The following MYH3 variants were observed in gnomAD, a reference collection of about 807,000 sequenced individuals.
MYH3 encodes myosin heavy chain 3.
Under a neutral mutation model 238.0 loss-of-function variants are expected in MYH3, and 130 were observed. The ratio of observed to expected loss-of-function variants is 0.55; its 90% CI spans 0.47 to 0.63. The LOEUF (loss-of-function observed/expected upper bound fraction) is 0.63. MYH3 is among the 30% of genes least tolerant of loss of function. The pLI is 0.00. For synonymous variants in MYH3, 880 were observed against 924.1 expected, an observed-to-expected ratio of 0.95 and a Z score of 0.86; for missense variants, 1,853 against 2,374.9, an observed-to-expected ratio of 0.78 and a Z score of 4.57.
the MYH3 span, chr17:10,674,515 C>A: frequency 4.2e-6 from 1 of 235,552 alleles, no homozygotes; most frequent in South Asian, 4.5e-5. Context: ...GCTAAGTACC[C>A]CAGTGGTGTG....
intron 5 of MYH3, among the ~76,000 whole-genome samples, chr17:10,651,205 A>G (rs1481133835): frequency 2.9e-5 from 4 of 136,120 alleles, no homozygotes; most frequent in African/African-American, 1.1e-4. Flanking sequence ...AAAAAAAACC[A>G]GCCAGTGGCT....
chr17:10,640,418 G>A lies in MYH3; in HGVS notation c.2341C>T (p.Arg781Cys), dbSNP rs372983228. Residue 781 changes from arginine (R) to cysteine (C), a missense_variant, in exon 21 of 41, where the codon CGC (arginine) becomes TGC (cysteine). Coordinates refer to ENST00000583535, the MANE Select transcript of MYH3 (RefSeq NM_002470.4). ...LGTLEEMRDD[R>C]LAKLITRTQA... ...GTCCGGGTGATTAGTTTGGCCAGGC[G>A]GTCATCCCGCATCTCTTCCAGGGTT... 3.9e-5 allele frequency: 63 copies of A among 1,614,196 alleles called. No individual in the cohort carries two copies. Among genetic ancestry groups the A allele is most frequent in the Admixed American group, 2.8e-4 (17 of 60,026 alleles).
At position 10,655,166 on chromosome 17, in the gene MYH3, A is replaced by G. The variant is rs2074415892; in HGVS notation, c.-8-94T>C. Reference sequence around the variant, plus strand: ...TTCAGCCTCCACCCTGCCCTCCTTCAGCCGCAGGAGCCCTCAGAGTCAGGG... The same window carrying G: ...TTCAGCCTCCACCCTGCCCTCCTTCGGCCGCAGGAGCCCTCAGAGTCAGGG... On this transcript the variant is annotated intron_variant, in intron 2 of 40. Transcript: ENST00000583535. The G allele has an allele frequency of 5.1e-6, 5 of 982,502 alleles. No individual in the cohort carries two copies. In the East Asian group the frequency reaches 1.2e-4, roughly 24 times the overall value. 60.9% of individuals were successfully genotyped at this position (982,502 alleles called of 1,614,324 possible). A position where few individuals can be genotyped will look rare whatever the true frequency, so the allele number is the denominator to read the frequency against.
intron 8 of MYH3, 44 bp downstream of exon 8, chr17:10,648,513 G>GA: frequency 6.5e-7 from 1 of 1,530,942 alleles, no homozygotes; most frequent in Non-Finnish European, 9.1e-7. Context: ...TGCCTATTTT[G>GA]TGAGGCACAA....
rs1201838408 is a variant in MYH3, at chr17:10,654,314, G to T, written c.204+547C>A. ...CTCCTGATGTGGATTTTAGAAACTA[G>T]TGAGCTCCAGAATTCCTCGCAGCAC... On this transcript the variant is annotated intron_variant, in intron 3 of 40. Coordinates refer to ENST00000583535, the MANE Select transcript of MYH3 (RefSeq NM_002470.4). This position sits in a 1 kb window ranked among gnomAD's most constrained non-coding sequence, Gnocchi z 4.5. Among the ~76,000 whole-genome samples, 1 of 151,668 alleles carries T rather than the reference G, an allele frequency of 6.6e-6. No homozygotes were observed. Among genetic ancestry groups the T allele is most frequent in the East Asian group, 1.9e-4 (1 of 5,150 alleles).
chr17:10,637,814 T>G lies in MYH3; in HGVS notation c.3851A>C (p.Glu1284Ala). Reference sequence around the variant, plus strand: ...GTTTTCTGCACGTGGCTTACCAGCCTCGGTCTGCAAACGAGACTTCTGTGT... The same window carrying G: ...GTTTTCTGCACGTGGCTTACCAGCCGCGGTCTGCAAACGAGACTTCTGTGT... ...LTTQKSRLQT[E>A]AGELSRQLEE... Residue 1284 changes from glutamate to alanine, a missense_variant, in exon 28 of 41, where the codon GAG (glutamate) becomes GCG (alanine). Transcript: ENST00000583535. 1.9e-6 allele frequency: 3 copies of G among 1,614,142 alleles called. No homozygotes were observed. Among genetic ancestry groups the G allele is most frequent in the Non-Finnish European group, 2.5e-6 (3 of 1,180,040 alleles).
upstream of MYH3, among the ~76,000 whole-genome samples, chr17:10,661,655 C>T (rs943036654): frequency 6.6e-6 from 1 of 152,130 alleles, no homozygotes; most frequent in African/African-American, 2.4e-5. Flanking sequence ...TCACTTCCTG[C>T]CCAGCTATTT....
In MYH3 at chr17:10,647,785, C is replaced by T. The variant is rs1002978871; in HGVS notation, c.736-359G>A. Among the ~76,000 whole-genome samples the T allele has an allele frequency of 2.6e-5, 4 of 152,156 alleles. 1 individual carries two copies. Among genetic ancestry groups the T allele is most frequent in the Non-Finnish European group, 5.9e-5 (4 of 68,026 alleles). The stretch of plus-strand genomic sequence containing the variant: ...GTCTCGATCTCTTGACCTCGTGATC[C>T]GCCCGCCTCGGCCTCCCAAAGTGCT... On this transcript the variant is annotated intron_variant, in intron 8 of 40. Coordinates refer to ENST00000583535, the MANE Select transcript of MYH3 (RefSeq NM_002470.4).
In MYH3 at chr17:10,642,385, G is replaced by A. The variant is rs1441056772; in HGVS notation, c.1888+32C>T. Reference sequence around the variant, plus strand: ...TTTGTTACTGTGGAACAAATGGAGGGAAATCACATGGACACAAAGCACTCC... The same window carrying A: ...TTTGTTACTGTGGAACAAATGGAGGAAAATCACATGGACACAAAGCACTCC... On this transcript the variant is annotated intron_variant, in intron 16 of 40. Coordinates refer to ENST00000583535, the MANE Select transcript of MYH3 (RefSeq NM_002470.4). This position sits in a 1 kb window ranked among gnomAD's most constrained non-coding sequence, Gnocchi z 5.4. The A allele has an allele frequency of 1.2e-6, 2 of 1,614,108 alleles. No homozygotes were observed. Among genetic ancestry groups the A allele is most frequent in the Non-Finnish European group, 8.5e-7 (1 of 1,179,956 alleles).
the MYH3 span, among the ~76,000 whole-genome samples, chr17:10,669,492 G>T: frequency 1.3e-5 from 2 of 151,620 alleles, no homozygotes; most frequent in Non-Finnish European, 2.9e-5. Context: ...GCTTGAACCT[G>T]GGAGATGGAG....
At chr17:10,653,245 C>A (rs1053702485) in intron 3 of MYH3, among the ~76,000 whole-genome samples, 1 of 152,118 alleles carries the variant, frequency 6.6e-6, no homozygotes, top group Non-Finnish European at 1.5e-5. Context: ...AAATCCAGCT[C>A]CAGCAGCTGG....
intron 1 of MYH3, among the ~76,000 whole-genome samples, chr17:10,656,433 A>C (rs1042495910): frequency 6.6e-6 from 1 of 151,068 alleles, no homozygotes; most frequent in Non-Finnish European, 1.5e-5. Context: ...GCTACTCTGG[A>C]GGCTTAGGCA....
rs1597494919 is a variant in MYH3, at chr17:10,654,784, T to G, written c.204+77A>C. 1.7e-4 allele frequency: 231 copies of G among 1,355,306 alleles called. No homozygotes were observed. The highest frequency in any genetic ancestry group is 3.6e-4 in the Middle Eastern group (2 of 5,566). The allele number at this position is 1,355,306 out of a possible 1,614,324, so 84.0% of individuals were successfully genotyped here. A position where few individuals can be genotyped will look rare whatever the true frequency, so the allele number is the denominator to read the frequency against. Reference sequence around the variant, plus strand: ...GAACCACATCTGGAAGTGGCTGGGGTTGGGCAGATGCATACCCCAGGCAAG... The same window carrying G: ...GAACCACATCTGGAAGTGGCTGGGGGTGGGCAGATGCATACCCCAGGCAAG... On this transcript the variant is annotated intron_variant, in intron 3 of 40. Coordinates refer to ENST00000583535, the MANE Select transcript of MYH3 (RefSeq NM_002470.4). The surrounding 1 kb of genome is among the most constrained non-coding windows in gnomAD (Gnocchi z 4.5).
rs1555525264 is a variant in MYH3, at chr17:10,632,606, C to T, written c.4826G>A (p.Arg1609Lys). ...CTTCTTGAGCCGGATGGCTTCATTC[C>T]TGCTCCGCACCTCGGCGTCCAGGGC... Reference protein sequence around the residue: ...QSALDAEVRSRNEAIRLKKKM... With the variant: ...QSALDAEVRSKNEAIRLKKKM... The change falls in exon 34 of 41, where the codon AGG (arginine) becomes AAG (lysine). Residue 1609 changes from arginine to lysine, a missense_variant. Physicochemically the swap from Arg to Lys is conservative, Grantham distance 26 (BLOSUM62 2). Transcript: ENST00000583535. 1 of 1,614,164 alleles carries T rather than the reference C, an allele frequency of 6.2e-7. No individual in the cohort carries two copies. The highest frequency in any genetic ancestry group is 8.5e-7 in the Non-Finnish European group (1 of 1,180,038).
the MYH3 span, among the ~76,000 whole-genome samples, chr17:10,666,189 G>A: frequency 3.2e-3 from 484 of 152,166 alleles, 3 homozygotes; most frequent in African/African-American, 0.01. Context: ...AAATGGGGAA[G>A]GCCCACCATG....
rs371579892 is a variant in MYH3, at chr17:10,639,120, C to T, written c.3172G>A (p.Gly1058Arg). ...GACTCTTGAGCAAGCTTCAAGTCTCCTTCCAATTTCCTTTTGTTCCTTTCC... is the reference window on the plus strand; with the variant it reads ...GACTCTTGAGCAAGCTTCAAGTCTCTTTCCAATTTCCTTTTGTTCCTTTCC... ...DLERNKRKLE[G>R]DLKLAQESIL... The change falls in exon 25 of 41, where the codon GGA becomes AGA. Residue 1058 changes from glycine (G) to arginine (R), a missense_variant. Transcript: ENST00000583535. 3.7e-5 allele frequency: 60 copies of T among 1,614,028 alleles called. No individual in the cohort carries two copies. Among genetic ancestry groups the T allele is most frequent in the Non-Finnish European group, 4.9e-5 (58 of 1,180,000 alleles).
chr17:10,658,832 A>AGT (rs1355197471), upstream of MYH3: 8 of 152,284 alleles, frequency 5.3e-5, no homozygotes, highest in Admixed American at 5.2e-4. Flanking sequence ...TCACTCCTAA[A>AGT]GTGTCCGTCC....
chr17:10,652,298 G>C (rs1404163327), intron 4 of MYH3, 122 bp downstream of exon 4: 4 of 1,248,044 alleles, frequency 3.2e-6, no homozygotes, highest in Non-Finnish European at 4.6e-6. Flanking sequence ...TTTGTGTTTT[G>C]TTCATCAGCT....
upstream of MYH3, among the ~76,000 whole-genome samples, chr17:10,661,434 T>C (rs147477534): frequency 6.6e-6 from 1 of 151,972 alleles, no homozygotes; most frequent in East Asian, 1.9e-4. Flanking sequence ...AGGGGACAGA[T>C]GACTTAGTGG....
Sources: allele counts gnomAD v4.1 joint callset (sites outside exome capture counted in the v4.1 genomes callset), GRCh38; gene constraint gnomAD v4.1.1; non-coding constraint Gnocchi (gnomAD v3.1); transcripts MANE v1.5; gene names NCBI Gene and HGNC (gene_info 2026-07-23, HGNC 2026-07-21).